MGAM2: variants seen among roughly 807,000 people sequenced by gnomAD.
The protein encoded by MGAM2 is probable maltase-glucoamylase 2.
MGAM2 carries 98 observed loss-of-function variants against 96.1 expected under a neutral mutation model. That is an observed-to-expected ratio of 1.02 (90% CI 0.87 to 1.21). The LOEUF is 1.21. MGAM2 is among the 50% of genes most tolerant of loss of function. MGAM2 has a pLI of 0.00. For synonymous variants in MGAM2, 749 were observed against 414.8 expected (o/e 1.81, Z -9.79); for missense variants, 2,055 against 1,182.4 (o/e 1.74, Z -10.82).
At chr7:142,208,992 G>A (rs374508203) in intron 46 of MGAM2, among the ~76,000 whole-genome samples, 8 of 152,160 alleles carry the variant, frequency 5.3e-5, no homozygotes, top group African/African-American at 1.4e-4. Context: ...AACCTTAGTG[G>A]TATCTAACAA....
chr7:142,194,424 G>A (rs1208148786), intron 37 of MGAM2, among the ~76,000 whole-genome samples: 1 of 152,008 alleles, frequency 6.6e-6, no homozygotes, highest in African/African-American at 2.4e-5. Flanking sequence ...TTCAGTTGGT[G>A]ACTCAGTTCT....
At chr7:142,212,309 A>T (rs1373386378) in intron 46 of MGAM2, among the ~76,000 whole-genome samples, 1 of 152,234 alleles carries the variant, frequency 6.6e-6, no homozygotes, top group Non-Finnish European at 1.5e-5. Flanking sequence ...TGGGCAAAAT[A>T]ACCAGCTAGC....
rs1350625777 is a variant in MGAM2, at chr7:142,134,049, G to T, written c.644G>T (p.Ser215Ile). The change falls in exon 7 of 48, where the codon AGT (serine) becomes ATT (isoleucine). Residue 215 changes from serine (S) to isoleucine (I), a missense_variant. Ser to Ile is a moderately radical substitution (Grantham distance 142). Transcript: ENST00000477922. ...CTGCAACTGTCTTTCCGACTGCCCAGTGCCAATGTGTATGGGCTGGGAGAG... is the reference window on the plus strand; with the variant it reads ...CTGCAACTGTCTTTCCGACTGCCCATTGCCAATGTGTATGGGCTGGGAGAG... ...QYLQLSFRLP[S>I]ANVYGLGEHV... is the part of the protein sequence containing the mutation. The T allele has an allele frequency of 1.3e-6, 1 of 757,842 alleles. No individual in the cohort carries two copies. The highest frequency in any genetic ancestry group is 2.4e-6 in the Non-Finnish European group (1 of 413,806). 46.9% of individuals were successfully genotyped at this position (757,842 alleles called of 1,614,324 possible).
chr7:142,189,598 C>A, intron 37 of MGAM2, 93 bp downstream of exon 37: 1 of 518,268 alleles, frequency 1.9e-6, no homozygotes, highest in Non-Finnish European at 3.4e-6. Flanking sequence ...CTACGTGATC[C>A]GAGTTAAATG....
intron 28 of MGAM2, 80 bp from the exon 29 acceptor site, chr7:142,172,018 G>A (rs1455337059): frequency 5.2e-6 from 3 of 574,136 alleles, no homozygotes; most frequent in Middle Eastern, 4.4e-4. Flanking sequence ...TTAATGATGA[G>A]TAAGAGTTTG....
At chr7:142,185,178 A>T in intron 34 of MGAM2, 39 bp downstream of exon 34, 1 of 696,990 alleles carries the variant, frequency 1.4e-6, no homozygotes, top group Non-Finnish European at 2.6e-6. Context: ...ATTGCCCTAA[A>T]CATCTGGATA....
At chr7:142,123,593 T>C (rs894989118) in intron 3 of MGAM2, among the ~76,000 whole-genome samples, 1 of 152,206 alleles carries the variant, frequency 6.6e-6, no homozygotes, top group African/African-American at 2.4e-5. Flanking sequence ...ATTTATGGAA[T>C]GTCTTTTTAA....
chr7:142,166,008 C>G (rs1796016712), intron 24 of MGAM2, 90 bp from the exon 25 acceptor site: 1 of 593,786 alleles, frequency 1.7e-6, no homozygotes, highest in Non-Finnish European at 3.0e-6. Context: ...AATAGATGCC[C>G]TTGTCCTGAC....
At chr7:142,132,892 AC>A (rs1794942057) in intron 6 of MGAM2, among the ~76,000 whole-genome samples, 1 of 130,028 alleles carries the variant, frequency 7.7e-6, no homozygotes, top group African/African-American at 3.0e-5. Flanking sequence ...ATAATATATA[AC>A]ATATGTATTT....
At position 142,175,738 on chromosome 7, in the gene MGAM2, T is replaced by C; in HGVS notation, c.3774T>C (p.Ile1258=). The C allele has an allele frequency of 1.4e-6, 1 of 702,872 alleles. No individual in the cohort carries two copies. Among genetic ancestry groups the C allele is most frequent in the East Asian group, 2.7e-5 (1 of 37,250 alleles). 43.5% of individuals were successfully genotyped at this position (702,872 alleles called of 1,614,324 possible). ...ACTTTCAAAACCTCAGTCTTCTGAT[T>C]GAGCAAATGAAGAAAAATGGCATGA... The part of the protein sequence containing the change: ...SANFQNLSLL[I]EQMKKNGMRF... The change falls in exon 32 of 48, where the codon ATT becomes ATC. Residue 1258 remains isoleucine (I), a synonymous_variant. Coordinates refer to ENST00000477922, the MANE Select transcript of MGAM2 (RefSeq NM_001293626.2).
At chr7:142,117,576 G>C (rs1302205431) in intron 2 of MGAM2, among the ~76,000 whole-genome samples, 1 of 152,108 alleles carries the variant, frequency 6.6e-6, no homozygotes, top group Non-Finnish European at 1.5e-5. Flanking sequence ...GCTTTGTTCT[G>C]CTTGACAAGC....
At chr7:142,212,976 CAA>C (rs1360528800) in intron 46 of MGAM2, among the ~76,000 whole-genome samples, 2 of 152,160 alleles carry the variant, frequency 1.3e-5, no homozygotes, top group Admixed American at 1.3e-4. Flanking sequence ...GAAATCATAA[CAA>C]AGAGTCTCTC....
At chr7:142,209,294 T>A (rs565608245) in intron 46 of MGAM2, among the ~76,000 whole-genome samples, 7 of 152,196 alleles carry the variant, frequency 4.6e-5, no homozygotes, top group Non-Finnish European at 1.0e-4. Context: ...AGTTGACTAA[T>A]TTCCCATTAC....
In MGAM2 at chr7:142,190,033, A is replaced by T. The variant is rs116702587; in HGVS notation, c.4346+528A>T. Among the ~76,000 whole-genome samples the T allele has an allele frequency of 9.3e-3, 1,409 of 152,008 alleles. 16 individuals carry two copies. The highest frequency in any genetic ancestry group is 0.033 in the African/African-American group (1,363 of 41,464). ...TAATAAAATTTCATTATATAGATAC[A>T]CCATATTTTGCTTGCCTATCTACCA... is the stretch of plus-strand genomic sequence containing the variant. On this transcript the variant is annotated intron_variant, in intron 37 of 47. Coordinates refer to ENST00000477922, the MANE Select transcript of MGAM2 (RefSeq NM_001293626.2).
intron 21 of MGAM2, 108 bp downstream of exon 21, chr7:142,160,366 A>G: frequency 3.5e-6 from 2 of 575,058 alleles, no homozygotes; most frequent in Non-Finnish European, 6.2e-6. Context: ...GGGATAAGTC[A>G]CCCATCAGTA....
intron 45 of MGAM2, chr7:142,208,179 G>A (rs756545320): frequency 6.5e-6 from 3 of 462,132 alleles, no homozygotes; most frequent in South Asian, 4.6e-5. Flanking sequence ...TGACTTGGGA[G>A]CCTAAATTCC....
chr7:142,113,857 C>A (rs528918690), intron 1 of MGAM2, among the ~76,000 whole-genome samples: 14 of 152,222 alleles, frequency 9.2e-5, no homozygotes, highest in Middle Eastern at 6.8e-3. Context: ...TAGGGCTGAG[C>A]GTGGTGCCTC....
At position 142,140,193 on chromosome 7, in the gene MGAM2, T is replaced by C. The variant is rs374980746; in HGVS notation, c.1087-609T>C. 6.0e-4 allele frequency among the ~76,000 whole-genome samples: 91 copies of C among 152,208 alleles called. No homozygotes were observed. In the East Asian group the frequency reaches 0.013, roughly 22 times the overall value. ...CAAAGCCCTCATCAGCCCCCCTACCTCCCAGTGCATGTATTTTGGGAAATG... is the reference window on the plus strand; with the variant it reads ...CAAAGCCCTCATCAGCCCCCCTACCCCCCAGTGCATGTATTTTGGGAAATG... On this transcript the variant is annotated intron_variant, in intron 10 of 47. Transcript: ENST00000477922.
chr7:142,183,463 A>G, intron 33 of MGAM2, 90 bp downstream of exon 33: 1 of 643,000 alleles, frequency 1.6e-6, no homozygotes, highest in Non-Finnish European at 2.8e-6. Context: ...AATATATTGG[A>G]CAATCAATAA....
Sources: allele counts gnomAD v4.1 joint callset (sites outside exome capture counted in the v4.1 genomes callset), GRCh38; gene constraint gnomAD v4.1.1; transcripts MANE v1.5; gene names NCBI Gene and HGNC (gene_info 2026-07-23, HGNC 2026-07-21).